DYRK1A: variants seen among roughly 807,000 people sequenced by gnomAD.
The protein encoded by DYRK1A is dual specificity tyrosine phosphorylation regulated kinase 1A.
In DYRK1A, 9 loss-of-function variants were observed where a neutral mutation model predicts 79.7. The ratio of observed to expected loss-of-function variants is 0.11; its 90% CI spans 0.07 to 0.20. DYRK1A has a LOEUF of 0.20. DYRK1A is among the 10% of genes least tolerant of loss of function. DYRK1A has a pLI of 1.00. For synonymous variants in DYRK1A, 349 were observed against 329.7 expected (o/e 1.06, Z -0.63); for missense variants, 622 against 956.0 (o/e 0.65, Z 4.61).
intron 6 of DYRK1A, among the ~76,000 whole-genome samples, chr21:37,489,633 TAA>T (rs58419137): frequency 2.8e-5 from 4 of 143,536 alleles, no homozygotes; most frequent in Non-Finnish European, 1.5e-5. Context: ...GCCTAAAGGG[TAA>T]AAAAAAAAAA....
At chr21:37,388,939 C>T (rs1376329910) in intron 1 of DYRK1A, among the ~76,000 whole-genome samples, 1 of 150,796 alleles carries the variant, frequency 6.6e-6, no homozygotes, top group Admixed American at 6.6e-5. Flanking sequence ...CCACTGCGCC[C>T]AGCCAAAAAA....
chr21:37,485,239 T>C (rs1295389931), intron 5 of DYRK1A, among the ~76,000 whole-genome samples: 2 of 152,220 alleles, frequency 1.3e-5, no homozygotes, highest in Non-Finnish European at 2.9e-5. Context: ...GAGTGTCCTT[T>C]ATCCTGCAGC....
chr21:37,439,502 C>T (rs1569322574), intron 2 of DYRK1A, among the ~76,000 whole-genome samples: 1 of 152,154 alleles, frequency 6.6e-6, no homozygotes, highest in Non-Finnish European at 1.5e-5. Flanking sequence ...AGGAACTGGG[C>T]CGCACAGCAG....
At chr21:37,411,784 TTC>T (rs1453839415) in intron 1 of DYRK1A, among the ~76,000 whole-genome samples, 14 of 152,360 alleles carry the variant, frequency 9.2e-5, no homozygotes, top group African/African-American at 3.4e-4. Context: ...TCCCTGCAGT[TTC>T]TCTCTTCTGA....
chr21:37,434,171 A>T (rs1402455403), intron 2 of DYRK1A, among the ~76,000 whole-genome samples: 1 of 152,194 alleles, frequency 6.6e-6, no homozygotes, highest in Non-Finnish European at 1.5e-5. Flanking sequence ...TTGGAATCTG[A>T]TGCTTGAAAT....
intron 1 of DYRK1A, among the ~76,000 whole-genome samples, chr21:37,417,534 T>TG (rs1555959240): frequency 3.6e-5 from 3 of 84,234 alleles, no homozygotes; most frequent in African/African-American, 1.3e-4. Context: ...TTTTTCTTTT[T>TG]TTTTTTTTTT....
intron 2 of DYRK1A, among the ~76,000 whole-genome samples, chr21:37,437,631 T>C (rs1284780993): frequency 1.3e-5 from 2 of 152,208 alleles, no homozygotes; most frequent in Non-Finnish European, 2.9e-5. Flanking sequence ...ATATGTGTTC[T>C]TTTTGCCTGG....
intron 1 of DYRK1A, among the ~76,000 whole-genome samples, chr21:37,374,726 T>C (rs1194994055): frequency 6.6e-6 from 1 of 152,150 alleles, no homozygotes; most frequent in Non-Finnish European, 1.5e-5. Flanking sequence ...CTAATTTTTT[T>C]GTATTTTTAG....
intron 2 of DYRK1A, among the ~76,000 whole-genome samples, chr21:37,424,781 T>C (rs977824982): frequency 6.6e-6 from 1 of 152,214 alleles, no homozygotes; most frequent in Non-Finnish European, 1.5e-5. Context: ...AAAATTATTT[T>C]CTTATAATTG....
chr21:37,486,431 T>A, intron 5 of DYRK1A, 36 bp from the exon 6 acceptor site: 1 of 1,401,328 alleles, frequency 7.1e-7, no homozygotes, highest in Non-Finnish European at 9.4e-7. Flanking sequence ...ATTTTTGCAA[T>A]TAATGAAATA....
chr21:37,386,609 C>G (rs1478603742), intron 1 of DYRK1A, among the ~76,000 whole-genome samples: 1 of 152,184 alleles, frequency 6.6e-6, no homozygotes, highest in East Asian at 1.9e-4. Context: ...AAACAATGTG[C>G]TTGTTTTATC....
chr21:37,423,501 A>G (rs568273188), intron 2 of DYRK1A, among the ~76,000 whole-genome samples: 124 of 152,308 alleles, frequency 8.1e-4, no homozygotes, highest in African/African-American at 2.7e-3. Context: ...ATTACCATGT[A>G]TATGAACATA....
intron 4 of DYRK1A, among the ~76,000 whole-genome samples, chr21:37,479,604 TTG>T (rs1310742986): frequency 5.4e-5 from 4 of 73,948 alleles, no homozygotes; most frequent in African/African-American, 3.8e-4. Flanking sequence ...GTTTTTGTTT[TTG>T]TTTTTGTTTT....
At chr21:37,504,000 AG>A (rs1236477970) in intron 9 of DYRK1A, 1 of 152,228 alleles carries the variant, frequency 6.6e-6, no homozygotes, top group Non-Finnish European at 1.5e-5. Flanking sequence ...GAACAGTTAA[AG>A]ATGGAAGTGA....
At chr21:37,453,827 A>G (rs2148508365) in intron 2 of DYRK1A, among the ~76,000 whole-genome samples, 1 of 152,268 alleles carries the variant, frequency 6.6e-6, no homozygotes, top group Non-Finnish European at 1.5e-5. Context: ...TTTTTTACGT[A>G]CAAAATAGGA....
At chr21:37,493,565 C>G (rs1390807571) in intron 8 of DYRK1A, among the ~76,000 whole-genome samples, 1 of 152,108 alleles carries the variant, frequency 6.6e-6, no homozygotes, top group African/African-American at 2.4e-5. Flanking sequence ...GATACTCAGT[C>G]TGAATAATGT....
intron 1 of DYRK1A, chr21:37,419,226 G>A (rs2050416352): frequency 6.6e-6 from 1 of 152,128 alleles, no homozygotes; most frequent in South Asian, 2.1e-4. Context: ...GAACTATACT[G>A]AGGCAATAGG....
chr21:37,431,324 T>G (rs1439187767), intron 2 of DYRK1A, among the ~76,000 whole-genome samples: 1 of 152,204 alleles, frequency 6.6e-6, no homozygotes, highest in African/African-American at 2.4e-5. Context: ...TTGGTTCTCT[T>G]TTTACCAATG....
intron 1 of DYRK1A, among the ~76,000 whole-genome samples, chr21:37,372,796 T>A (rs571515450): frequency 6.6e-6 from 1 of 152,306 alleles, no homozygotes; most frequent in African/African-American, 2.4e-5. Context: ...TCTGTGATCC[T>A]AGCATAAATA....
Sources: allele counts gnomAD v4.1 joint callset (sites outside exome capture counted in the v4.1 genomes callset), GRCh38; gene constraint gnomAD v4.1.1; transcripts MANE v1.5; gene names NCBI Gene and HGNC (gene_info 2026-07-23, HGNC 2026-07-21).